The following LRRTM3 variants were observed in gnomAD, a reference collection of about 807,000 sequenced individuals.
The protein encoded by LRRTM3 is leucine rich repeat transmembrane neuronal 3, also known as leucine-rich repeat transmembrane neuronal protein 3.
In LRRTM3, 24 loss-of-function variants were observed where a neutral mutation model predicts 44.7. The ratio of observed to expected loss-of-function variants is 0.54; its 90% confidence interval spans 0.39 to 0.76. The LOEUF (loss-of-function observed/expected upper bound fraction) is 0.76, where lower values mean the gene tolerates loss of function less well. Among genes scored for constraint, LRRTM3 ranks in the 30% least tolerant of loss-of-function variants. The pLI, the probability that LRRTM3 is intolerant of heterozygous loss-of-function variation, is 0.00. For synonymous variants in LRRTM3, 277 were observed against 278.7 expected (o/e 0.99, Z 0.06); for missense variants, 587 against 702.2 (o/e 0.84, Z 1.85).
At chr10:66,973,924 A>T (rs994671035) in intron 2 of LRRTM3, among the ~76,000 whole-genome samples, 3 of 152,126 alleles carry the variant, frequency 2.0e-5, no homozygotes, top group African/African-American at 7.2e-5. Context: ...GTCCAGCCTT[A>T]TTTATTTTTA....
chr10:66,954,010 A>G (rs906423317), intron 2 of LRRTM3, among the ~76,000 whole-genome samples: 1 of 152,208 alleles, frequency 6.6e-6, no homozygotes, highest in South Asian at 2.1e-4. Flanking sequence ...AAGCTGGTGC[A>G]TAGTAAGTGC....
chr10:66,962,901 G>T (rs960308888), intron 2 of LRRTM3, among the ~76,000 whole-genome samples: 2 of 152,118 alleles, frequency 1.3e-5, no homozygotes, highest in African/African-American at 2.4e-5. Flanking sequence ...TAAAGGCTGA[G>T]ATTTTTGCCT....
At chr10:67,042,811 A>G (rs1589650509) in intron 2 of LRRTM3, among the ~76,000 whole-genome samples, 1 of 152,172 alleles carries the variant, frequency 6.6e-6, no homozygotes, top group Non-Finnish European at 1.5e-5. Flanking sequence ...CAATGATTAG[A>G]TAGTCAACGA....
intron 2 of LRRTM3, among the ~76,000 whole-genome samples, chr10:66,935,470 G>T (rs1847644776): frequency 6.6e-6 from 1 of 151,966 alleles, no homozygotes; most frequent in African/African-American, 2.4e-5. Context: ...AATGTGAAAG[G>T]TATAAATACT....
At chr10:66,964,146 A>T (rs1300984286) in intron 2 of LRRTM3, among the ~76,000 whole-genome samples, 2 of 152,038 alleles carry the variant, frequency 1.3e-5, no homozygotes, top group South Asian at 2.1e-4. Flanking sequence ...CACCGCACCC[A>T]GCCAGACATC....
chr10:66,931,691 A>G (rs1005104363), intron 2 of LRRTM3, among the ~76,000 whole-genome samples: 2 of 152,174 alleles, frequency 1.3e-5, no homozygotes, highest in Non-Finnish European at 2.9e-5. Flanking sequence ...TCCTTGGGAA[A>G]TATAATTATA....
At position 66,978,545 on chromosome 10, in the gene LRRTM3, A is replaced by ATAAAAAT. The variant is rs1213465920; in HGVS notation, c.1536+50093_1536+50094insTAAAAAT. On this transcript the variant is annotated intron_variant, in intron 2 of 2. Coordinates refer to ENST00000361320, the MANE Select transcript of LRRTM3 (RefSeq NM_178011.5). ...CCATCTCAAAAAAAAAAAAAAAAAA[A>ATAAAAAT]AAAAAAAATATATATATATATATAT... Among the ~76,000 whole-genome samples the ATAAAAAT allele has an allele frequency of 4.4e-4, 50 of 114,152 alleles. 1 individual carries two copies. Among genetic ancestry groups the ATAAAAAT allele is most frequent in the Middle Eastern group, 8.5e-3 (2 of 234 alleles). 74.9% of individuals were successfully genotyped at this position (114,152 alleles called of 152,430 possible).
chr10:66,951,747 T>A (rs1463248395), intron 2 of LRRTM3, among the ~76,000 whole-genome samples: 2 of 152,180 alleles, frequency 1.3e-5, no homozygotes, highest in Non-Finnish European at 2.9e-5. Context: ...TCAGAATATT[T>A]ATTTTAGCAT....
Position 66,928,383 on chromosome 10 carries a change from G to A in LRRTM3, c.1467G>A (p.Glu489=). 1.2e-6 allele frequency: 2 copies of A among 1,614,150 alleles called. No homozygotes were observed. Among genetic ancestry groups the A allele is most frequent in the Non-Finnish European group, 1.7e-6 (2 of 1,180,040 alleles). ...TAGATTATAAACCCACCAACACGGAGACCAGCGAGATGCTGCTGAATGGGA... is the reference window on the plus strand; with the variant it reads ...TAGATTATAAACCCACCAACACGGAAACCAGCGAGATGCTGCTGAATGGGA... ...FYVDYKPTNT[E]TSEMLLNGTG... The change falls in exon 2 of 3, where the codon GAG becomes GAA. Residue 489 remains glutamate, a synonymous_variant. Transcript: ENST00000361320.
intron 2 of LRRTM3, among the ~76,000 whole-genome samples, chr10:67,037,680 T>C (rs751838826): frequency 6.6e-6 from 1 of 152,156 alleles, no homozygotes; most frequent in Non-Finnish European, 1.5e-5. Context: ...TACAATCCAT[T>C]TTTAGAATGG....
intron 2 of LRRTM3, among the ~76,000 whole-genome samples, chr10:67,028,472 C>T (rs1342966632): frequency 6.6e-6 from 1 of 151,440 alleles, no homozygotes; most frequent in East Asian, 1.9e-4. Context: ...GAAGGTAGTA[C>T]TTGAGAGTGG....
At chr10:67,064,835 G>A (rs2133231865) in intron 2 of LRRTM3, among the ~76,000 whole-genome samples, 1 of 152,204 alleles carries the variant, frequency 6.6e-6, no homozygotes, top group East Asian at 1.9e-4. Context: ...TCAGTCAGAG[G>A]GACAGATGAA....
intron 2 of LRRTM3, among the ~76,000 whole-genome samples, chr10:67,092,399 G>A (rs1158022076): frequency 2.6e-5 from 4 of 151,882 alleles, no homozygotes; most frequent in African/African-American, 9.7e-5. Flanking sequence ...TGGCCTTTTT[G>A]TTATTCCTTC....
In LRRTM3 at chr10:66,966,117, ATTATT is replaced by A. The variant is rs548658935; in HGVS notation, c.1536+37670_1536+37674del. The stretch of plus-strand genomic sequence containing the variant: ...TTGTAAAATTGGGATAACAATAGTT[ATTATT>A]TTATAGTGCCATTTTGAAAAATAGT... On this transcript the variant is annotated intron_variant, in intron 2 of 2. Transcript: ENST00000361320. Among the ~76,000 whole-genome samples the A allele has an allele frequency of 1.0e-3, 156 of 151,990 alleles. 2 individuals are homozygous for A. The highest frequency in any genetic ancestry group is 3.4e-3 in the African/African-American group (142 of 41,252).
At chr10:67,039,470 C>G (rs1854265692) in intron 2 of LRRTM3, among the ~76,000 whole-genome samples, 1 of 152,040 alleles carries the variant, frequency 6.6e-6, no homozygotes, top group Non-Finnish European at 1.5e-5. Context: ...GTCAATTAAT[C>G]CAAGTATATA....
chr10:66,952,602 A>G (rs1049997242), intron 2 of LRRTM3, among the ~76,000 whole-genome samples: 2 of 152,152 alleles, frequency 1.3e-5, no homozygotes, highest in African/African-American at 2.4e-5. Flanking sequence ...TACTTAAGCA[A>G]TAATGGGCCA....
chr10:67,034,155 C>G (rs1853900996), intron 2 of LRRTM3, among the ~76,000 whole-genome samples: 1 of 152,164 alleles, frequency 6.6e-6, no homozygotes, highest in Non-Finnish European at 1.5e-5. Context: ...CTAACTAGTG[C>G]CAATGGACTA....
At chr10:67,017,755 G>GCT (rs1852749205) in intron 2 of LRRTM3, among the ~76,000 whole-genome samples, 2 of 150,528 alleles carry the variant, frequency 1.3e-5, no homozygotes, top group African/African-American at 4.9e-5. Context: ...GTGTGTGTGC[G>GCT]CGCGTACAAT....
intron 2 of LRRTM3, among the ~76,000 whole-genome samples, chr10:66,962,881 A>T (rs1280390592): frequency 6.6e-6 from 1 of 152,096 alleles, no homozygotes; most frequent in Non-Finnish European, 1.5e-5. Context: ...TTGCCCAACA[A>T]TGCACCCCAT....
Sources: gnomAD v4.1 joint callset for allele counts (sites outside exome capture counted in the v4.1 genomes callset) on GRCh38, gnomAD v4.1.1 for gene constraint, MANE v1.5 for transcripts, NCBI Gene and HGNC (gene_info 2026-07-23, HGNC 2026-07-21) for gene names.